FLRT2: variants seen among roughly 807,000 people sequenced by gnomAD.
FLRT2 encodes the protein fibronectin leucine rich transmembrane protein 2.
A neutral mutation model predicts 40.0 loss-of-function variants in FLRT2; 15 were observed. The observed-to-expected ratio is 0.38, with a 90% CI of 0.25 to 0.58. FLRT2 has a LOEUF of 0.58. Among genes scored for constraint, FLRT2 ranks in the 20% least tolerant of loss-of-function variants. The pLI is 0.71. For synonymous variants in FLRT2, 380 were observed against 336.8 expected (o/e 1.13, Z -1.41); for missense variants, 726 against 840.0 (o/e 0.86, Z 1.68).
rs375367298 is a variant in FLRT2 at position 85,627,684 on chromosome 14, G to A, written c.*4187G>A. The A allele has an allele frequency of 1.1e-4, 18 of 167,076 alleles. No homozygotes were observed. The highest frequency in any genetic ancestry group is 3.9e-4 in the East Asian group (2 of 5,186). The allele number at this position is 167,076 out of a possible 1,614,324, so 10.3% of individuals were successfully genotyped here. A position where few individuals can be genotyped will look rare whatever the true frequency, so the allele number is the denominator to read the frequency against. Reference sequence around the variant, plus strand: ...GTGAAGGCATTGCCAAGTGTGTGTCGCTCATAGGACTAGTGTATATTCACT... The same window carrying A: ...GTGAAGGCATTGCCAAGTGTGTGTCACTCATAGGACTAGTGTATATTCACT... On this transcript the variant is annotated 3_prime_UTR_variant, in exon 2 of 2. Coordinates refer to ENST00000330753, the MANE Select transcript of FLRT2 (RefSeq NM_013231.6).
intron 1 of FLRT2, among the ~76,000 whole-genome samples, chr14:85,608,713 G>T (rs189397126): frequency 2.0e-4 from 30 of 152,208 alleles, no homozygotes; most frequent in African/African-American, 4.8e-4. Flanking sequence ...ACATTCTTCA[G>T]CAATGTTTCT....
chr14:85,547,172 G>A (rs960662149), intron 1 of FLRT2, among the ~76,000 whole-genome samples: 2 of 151,904 alleles, frequency 1.3e-5, no homozygotes, highest in Non-Finnish European at 2.9e-5. Context: ...TGACTTTCAA[G>A]GTCCCTCTTT....
intron 1 of FLRT2, among the ~76,000 whole-genome samples, chr14:85,550,828 GA>G (rs781037802): frequency 2.0e-5 from 3 of 152,122 alleles, no homozygotes; most frequent in Non-Finnish European, 4.4e-5. Context: ...AACACACGTT[GA>G]AAATCTGGAG....
intron 1 of FLRT2, among the ~76,000 whole-genome samples, chr14:85,588,167 C>G (rs1891715544): frequency 6.6e-6 from 1 of 152,148 alleles, no homozygotes; most frequent in African/African-American, 2.4e-5. Context: ...TTTCTTCATA[C>G]TATTATACAC....
In FLRT2 at chr14:85,626,983, A is replaced by T. The variant is rs1329707936; in HGVS notation, c.*3486A>T. ...TGCTGTGATTGAAGCATCCATTCAG[A>T]ACACGAGGCAATATTGCAGTCCACA... is the stretch of plus-strand genomic sequence containing the variant. On this transcript the variant is annotated 3_prime_UTR_variant, in exon 2 of 2. Coordinates refer to ENST00000330753, the MANE Select transcript of FLRT2 (RefSeq NM_013231.6). The T allele has an allele frequency of 6.0e-6, 1 of 167,046 alleles. No individual in the cohort carries two copies. Among genetic ancestry groups the T allele is most frequent in the African/African-American group, 2.4e-5 (1 of 41,470 alleles). The allele number at this position is 167,046 out of a possible 1,614,324, so 10.3% of individuals were successfully genotyped here. A position where few individuals can be genotyped will look rare whatever the true frequency, so the allele number is the denominator to read the frequency against.
intron 1 of FLRT2, among the ~76,000 whole-genome samples, chr14:85,614,410 A>G (rs1354782091): frequency 2.0e-5 from 3 of 152,116 alleles, no homozygotes; most frequent in African/African-American, 7.2e-5. Flanking sequence ...AGGTTAAGTC[A>G]GGTGCCCTTT....
intron 1 of FLRT2, among the ~76,000 whole-genome samples, chr14:85,611,951 T>TGC (rs1892893468): frequency 1.3e-5 from 2 of 149,084 alleles, no homozygotes; most frequent in Non-Finnish European, 3.0e-5. Flanking sequence ...TGTGTGTGTG[T>TGC]GTGTGTGTGT....
chr14:85,611,088 G>T (rs1488733112), intron 1 of FLRT2, among the ~76,000 whole-genome samples: 1 of 152,118 alleles, frequency 6.6e-6, no homozygotes, highest in Non-Finnish European at 1.5e-5. Flanking sequence ...TAGAGACAGG[G>T]TTTCACCATG....
intron 1 of FLRT2, among the ~76,000 whole-genome samples, chr14:85,557,830 AT>A (rs1311893890): frequency 9.6e-5 from 12 of 125,514 alleles, no homozygotes; most frequent in South Asian, 2.3e-4. Flanking sequence ...AAATAAATAA[AT>A]TAATTAATTA....
intron 1 of FLRT2, among the ~76,000 whole-genome samples, chr14:85,587,373 G>A (rs138439321): frequency 1.0e-3 from 151 of 151,618 alleles, no homozygotes; most frequent in African/African-American, 3.1e-3. Flanking sequence ...TGCCAATAGC[G>A]CCAAAGAATT....
intron 1 of FLRT2, among the ~76,000 whole-genome samples, chr14:85,582,122 T>C (rs1463389136): frequency 6.6e-6 from 1 of 152,194 alleles, no homozygotes; most frequent in Admixed American, 6.5e-5. Context: ...TGAATCCATA[T>C]GTAGATCCTG....
rs1894287977 is a variant in FLRT2 at position 85,645,870 on chromosome 14, G to A, written c.*22373G>A. The A allele has an allele frequency of 6.6e-6, 1 of 152,062 alleles. No homozygotes were observed. Among genetic ancestry groups the A allele is most frequent in the African/African-American group, 2.4e-5 (1 of 41,412 alleles). The allele number at this position is 152,062 out of a possible 1,614,324, so 9.4% of individuals were successfully genotyped here. On this transcript the variant is annotated 3_prime_UTR_variant, in exon 2 of 2. Transcript: ENST00000330753. ...TAGAGTCAATACTGAGTACCTAAGAGCCCAATTCTGATACTCTCATATTGC... is the reference window on the plus strand; with the variant it reads ...TAGAGTCAATACTGAGTACCTAAGAACCCAATTCTGATACTCTCATATTGC...
intron 1 of FLRT2, among the ~76,000 whole-genome samples, chr14:85,578,192 A>T (rs988916163): frequency 1.4e-5 from 2 of 145,916 alleles, no homozygotes; most frequent in African/African-American, 2.5e-5. Context: ...ATATATATTT[A>T]TATATATTTA....
At chr14:85,593,581 T>C (rs566602408) in intron 1 of FLRT2, among the ~76,000 whole-genome samples, 5 of 152,216 alleles carry the variant, frequency 3.3e-5, no homozygotes, top group Non-Finnish European at 7.3e-5. Context: ...ATTTAAAGTC[T>C]ATCTCAGAGC....
At chr14:85,592,804 A>G (rs967732824) in intron 1 of FLRT2, among the ~76,000 whole-genome samples, 4 of 101,810 alleles carry the variant, frequency 3.9e-5, no homozygotes, top group African/African-American at 1.5e-4. Context: ...AAAAAAAAAA[A>G]AAAGAAAAAA....
intron 1 of FLRT2, among the ~76,000 whole-genome samples, chr14:85,566,549 T>TTGTGTGCGTGTGTGTGTGTGTG (rs1890622212): frequency 7.6e-6 from 1 of 130,826 alleles, no homozygotes; most frequent in African/African-American, 2.6e-5. Context: ...ACTTCCATGG[T>TTGTGTGCGTGTGTGTGTGTGTG]TGTGTGTGTG....
intron 1 of FLRT2, among the ~76,000 whole-genome samples, chr14:85,577,889 C>CT (rs1449427416): frequency 6.6e-6 from 1 of 151,792 alleles, no homozygotes; most frequent in Non-Finnish European, 1.5e-5. Context: ...GCCTGATTTA[C>CT]TTTTTTATTT....
intron 1 of FLRT2, among the ~76,000 whole-genome samples, chr14:85,547,634 T>C (rs763508742): frequency 3.9e-5 from 6 of 152,192 alleles, no homozygotes; most frequent in Admixed American, 1.3e-4. Context: ...TTTGTCTTTA[T>C]TTTCTGAGGG....
chr14:85,587,864 G>T (rs559592123), intron 1 of FLRT2, among the ~76,000 whole-genome samples: 1 of 152,228 alleles, frequency 6.6e-6, no homozygotes, highest in Non-Finnish European at 1.5e-5. Flanking sequence ...TTAGTAAGAT[G>T]TCTGGAACTG....
Sources: gnomAD v4.1 joint callset for allele counts (sites outside exome capture counted in the v4.1 genomes callset) on GRCh38, gnomAD v4.1.1 for gene constraint, MANE v1.5 for transcripts, NCBI Gene and HGNC (gene_info 2026-07-23, HGNC 2026-07-21) for gene names.